Variants in TMEM132D observed in about 807,000 individuals in gnomAD.
TMEM132D encodes the protein mature OL transmembrane protein.
Under a neutral mutation model 62.3 loss-of-function variants are expected in TMEM132D, and 21 were observed. That is an observed-to-expected ratio of 0.34 (90% CI 0.24 to 0.49). TMEM132D has a LOEUF of 0.49. TMEM132D is among the 20% of genes least tolerant of loss of function. The pLI is 0.99. For synonymous variants in TMEM132D, 621 were observed against 575.6 expected (o/e 1.08, Z -1.13); for missense variants, 1,346 against 1,402.8 (o/e 0.96, Z 0.65).
intron 5 of TMEM132D, among the ~76,000 whole-genome samples, chr12:129,186,483 T>C (rs1878225863): frequency 6.6e-6 from 1 of 152,232 alleles, no homozygotes; most frequent in African/African-American, 2.4e-5. Context: ...TGACCCTCTA[T>C]ACCATTCTCC....
intron 3 of TMEM132D, among the ~76,000 whole-genome samples, chr12:129,407,097 T>A (rs1231918227): frequency 1.3e-5 from 2 of 152,218 alleles, no homozygotes; most frequent in African/African-American, 2.4e-5. Flanking sequence ...TGAAAAGAAA[T>A]TTTTAAAGCT....
In TMEM132D at chr12:129,700,328, G is replaced by T; in HGVS notation, c.450C>A (p.His150Gln). The T allele has an allele frequency of 1.2e-6, 2 of 1,614,042 alleles. No individual in the cohort carries two copies. The highest frequency in any genetic ancestry group is 1.7e-6 in the Non-Finnish European group (2 of 1,180,042). Residue 150 changes from histidine to glutamine, a missense_variant, in exon 2 of 9, where the codon CAC becomes CAA. Physicochemically the swap from His to Gln is conservative, Grantham distance 24. Transcript: ENST00000422113. ...GGTCGTCCCAGTCTCTGCCCATGAT[G>T]TGGAACAGAACCTGCACTTTGGGCC... ...LSRPKVQVLF[H>Q]IMGRDWDDRS...
intron 3 of TMEM132D, among the ~76,000 whole-genome samples, chr12:129,430,414 A>G (rs1358794040): frequency 6.6e-6 from 1 of 152,134 alleles, no homozygotes; most frequent in African/African-American, 2.4e-5. Flanking sequence ...TCCTTCGCCC[A>G]CTTTTTGATG....
chr12:129,731,589 G>A (rs1179089764), intron 1 of TMEM132D, among the ~76,000 whole-genome samples: 3 of 152,176 alleles, frequency 2.0e-5, no homozygotes, highest in Non-Finnish European at 2.9e-5. Flanking sequence ...AAGAGTAGAG[G>A]GGAATGCAAC....
intron 2 of TMEM132D, among the ~76,000 whole-genome samples, chr12:129,613,540 C>G (rs1878833839): frequency 2.0e-5 from 3 of 152,322 alleles, no homozygotes; most frequent in Middle Eastern, 3.4e-3. Context: ...CGCTGCTTGA[C>G]AGAACTCAGT....
chr12:129,096,037 A>G (rs1472682424), intron 5 of TMEM132D, among the ~76,000 whole-genome samples: 1 of 152,172 alleles, frequency 6.6e-6, no homozygotes, highest in Non-Finnish European at 1.5e-5. Flanking sequence ...TGGGGGCTTC[A>G]TAGATCAGAG....
chr12:129,225,323 C>T (rs1879452952), intron 4 of TMEM132D, among the ~76,000 whole-genome samples: 2 of 152,202 alleles, frequency 1.3e-5, no homozygotes, highest in Admixed American at 1.3e-4. Context: ...AGACAGGCAC[C>T]TGGCCTGAGG....
intron 3 of TMEM132D, among the ~76,000 whole-genome samples, chr12:129,416,876 C>T (rs1446744080): frequency 6.6e-6 from 1 of 152,196 alleles, no homozygotes; most frequent in Non-Finnish European, 1.5e-5. Flanking sequence ...ACCAGCCTTG[C>T]ATCCCAGGGG....
At chr12:129,259,913 G>T (rs1166159337) in intron 4 of TMEM132D, among the ~76,000 whole-genome samples, 1 of 152,150 alleles carries the variant, frequency 6.6e-6, no homozygotes, top group Non-Finnish European at 1.5e-5. Context: ...GGAAAGATGA[G>T]GGAAAGAGCC....
chr12:129,251,357 CAAAAAAAAAAAA>C (rs59666716), intron 4 of TMEM132D, among the ~76,000 whole-genome samples: 848 of 79,798 alleles, frequency 0.011, 34 homozygotes, highest in Admixed American at 0.094. Context: ...GACACTGTCT[CAAAAAAAAAAAA>C]AAAAAAAAAA....
chr12:129,850,233 A>G (rs1289659619), intron 1 of TMEM132D, among the ~76,000 whole-genome samples: 3 of 152,198 alleles, frequency 2.0e-5, no homozygotes, highest in Non-Finnish European at 2.9e-5. Flanking sequence ...GACGAGGAAC[A>G]CGTGACTCAC....
intron 4 of TMEM132D, among the ~76,000 whole-genome samples, chr12:129,220,397 C>T (rs1289411683): frequency 2.0e-5 from 3 of 152,210 alleles, no homozygotes; most frequent in Non-Finnish European, 2.9e-5. Context: ...GGGACTGGAT[C>T]GCAAGCCCAT....
chr12:129,597,786 A>G (rs1001254698), intron 2 of TMEM132D, among the ~76,000 whole-genome samples: 6 of 152,192 alleles, frequency 3.9e-5, no homozygotes, highest in Admixed American at 1.3e-4. Flanking sequence ...AATGCCCCAA[A>G]GGTAGGATTT....
chr12:129,800,374 G>GA (rs78320423), intron 1 of TMEM132D, among the ~76,000 whole-genome samples: 152 of 139,032 alleles, frequency 1.1e-3, no homozygotes, highest in East Asian at 1.7e-3. Context: ...AGCAGCAAAG[G>GA]AAAAAAAAAA....
At position 129,209,915 on chromosome 12, in the gene TMEM132D, T is replaced by G. The variant is rs971644156; in HGVS notation, c.1300-252A>C. The G allele has an allele frequency of 5.5e-5, 28 of 506,100 alleles. No individual in the cohort carries two copies. In the Admixed American group the frequency reaches 8.8e-4, roughly 16 times the overall value. 31.4% of individuals were successfully genotyped at this position (506,100 alleles called of 1,614,324 possible). On this transcript the variant is annotated intron_variant, in intron 4 of 8. Transcript: ENST00000422113. ...GGACAGAAAAGGTGGCGGAGGAAAT[T>G]TATTACTAATATTGTGTTTGGCAAA...
rs771561173 is a variant in TMEM132D at position 129,867,007 on chromosome 12, C to T, written c.79+36254G>A. 9.9e-5 allele frequency among the ~76,000 whole-genome samples: 15 copies of T among 152,002 alleles called. No individual in the cohort carries two copies. The highest frequency in any genetic ancestry group is 8.8e-5 in the Non-Finnish European group (6 of 68,014). On this transcript the variant is annotated intron_variant, in intron 1 of 8. Coordinates refer to ENST00000422113, the MANE Select transcript of TMEM132D (RefSeq NM_133448.3). This position sits in a 1 kb window ranked among gnomAD's most constrained non-coding sequence, Gnocchi z 4.5. ...TCATGCCTGTAATCCCGGCACCTTG[C>T]GAAGCTGAGGCAGGCAGATGGCCTG...
At chr12:129,385,119 C>T (rs935526164) in intron 3 of TMEM132D, among the ~76,000 whole-genome samples, 19 of 81,658 alleles carry the variant, frequency 2.3e-4, no homozygotes, top group Admixed American at 9.0e-4. Flanking sequence ...TTTGAGACGT[C>T]GTTTTGCTCT....
At chr12:129,160,207 C>T (rs1473785322) in intron 5 of TMEM132D, among the ~76,000 whole-genome samples, 1 of 152,190 alleles carries the variant, frequency 6.6e-6, no homozygotes, top group Non-Finnish European at 1.5e-5. Flanking sequence ...CAACCACATC[C>T]ATTTTGTCTT....
At chr12:129,614,406 T>A (rs930181338) in intron 2 of TMEM132D, among the ~76,000 whole-genome samples, 2 of 152,162 alleles carry the variant, frequency 1.3e-5, no homozygotes, top group Non-Finnish European at 2.9e-5. Context: ...GAACTCTTAG[T>A]CATGAATGGC....
Sources: gnomAD v4.1 joint callset for allele counts (sites outside exome capture counted in the v4.1 genomes callset) on GRCh38, gnomAD v4.1.1 for gene constraint, Gnocchi (gnomAD v3.1) non-coding constraint, MANE v1.5 for transcripts, NCBI Gene and HGNC (gene_info 2026-07-23, HGNC 2026-07-21) for gene names.